ZNF541: variants seen among roughly 807,000 people sequenced by gnomAD.
The protein encoded by ZNF541 is zinc finger protein 541.
ZNF541 carries 23 observed loss-of-function variants against 123.5 expected under a neutral mutation model. The ratio of observed to expected loss-of-function variants is 0.19; its 90% CI spans 0.13 to 0.26. The LOEUF (loss-of-function observed/expected upper bound fraction) is 0.26. Ranked by LOEUF, ZNF541 falls within the 10% of genes least tolerant of loss-of-function variation. The pLI, the probability that ZNF541 is intolerant of heterozygous loss-of-function variation, is 1.00. For missense variants in ZNF541, 1,612 were observed against 1,789.9 expected (o/e 0.90, Z 1.79); for synonymous variants, 751 against 754.5 (o/e 1.00, Z 0.08).
Position 47,544,133 on chromosome 19 carries a change from C to T in ZNF541, c.2396G>A (p.Arg799Lys). The change falls in exon 5 of 17, where the codon AGA (arginine) becomes AAA (lysine). Residue 799 changes from arginine (R) to lysine (K), a missense_variant. Transcript: ENST00000391901. The part of the protein sequence containing the change: ...PSKSKLTIFS[R>K]IQGGNIYRLP... ...GTGAGAGAGAGCTGGTACCTGGATT[C>T]TGCTGAATATTGTCAGCTTGGACTT... The T allele has an allele frequency of 1.3e-6, 2 of 1,546,902 alleles. No homozygotes were observed. The highest frequency in any genetic ancestry group is 1.7e-6 in the Non-Finnish European group (2 of 1,143,624).
At chr19:47,554,417 C>T (rs1478265968) in intron 3 of ZNF541, among the ~76,000 whole-genome samples, 3 of 151,976 alleles carry the variant, frequency 2.0e-5, no homozygotes, top group East Asian at 1.9e-4. Flanking sequence ...GGCGACAGAG[C>T]GAGACTCCGT....
At chr19:47,559,384 G>GA (rs1568518179) in intron 2 of ZNF541, among the ~76,000 whole-genome samples, 1 of 150,398 alleles carries the variant, frequency 6.6e-6, no homozygotes, top group East Asian at 2.0e-4. Flanking sequence ...AAAAAAGAAA[G>GA]AAAGAAAAGA....
At chr19:47,551,814 G>A (rs985082532) in intron 3 of ZNF541, among the ~76,000 whole-genome samples, 9 of 149,882 alleles carry the variant, frequency 6.0e-5, no homozygotes, top group African/African-American at 2.0e-4. Flanking sequence ...GATTACAGGC[G>A]TGAACCATAC....
At chr19:47,552,742 CAAAAA>C (rs573248609) in intron 3 of ZNF541, among the ~76,000 whole-genome samples, 2 of 26,130 alleles carry the variant, frequency 7.7e-5, no homozygotes, top group African/African-American at 1.1e-4. Context: ...GACTCCATCT[CAAAAA>C]AAAAAAAAAA....
At chr19:47,526,355 G>T (rs1259314423) in intron 14 of ZNF541, among the ~76,000 whole-genome samples, 1 of 151,756 alleles carries the variant, frequency 6.6e-6, no homozygotes, top group Non-Finnish European at 1.5e-5. Flanking sequence ...GGTAGCAGGC[G>T]CCTGTAATCC....
intron 2 of ZNF541, among the ~76,000 whole-genome samples, chr19:47,561,716 G>T (rs1971069974): frequency 6.8e-6 from 1 of 147,440 alleles, no homozygotes; most frequent in African/African-American, 2.5e-5. Context: ...TTTCTGTTTT[G>T]TTTTTTTTTT....
intron 2 of ZNF541, among the ~76,000 whole-genome samples, chr19:47,557,941 A>G (rs1026852497): frequency 1.3e-5 from 2 of 152,160 alleles, no homozygotes; most frequent in Admixed American, 1.3e-4. Flanking sequence ...GAAGAAAAAT[A>G]AACCACATAA....
chr19:47,525,146 G>A (rs1969225277), intron 14 of ZNF541, among the ~76,000 whole-genome samples: 1 of 152,078 alleles, frequency 6.6e-6, no homozygotes, highest in Non-Finnish European at 1.5e-5. Flanking sequence ...TTAGCCAGGT[G>A]TGGTTGTGCG....
chr19:47,523,938 C>G (rs2974195), intron 14 of ZNF541, among the ~76,000 whole-genome samples: 18,425 of 152,124 alleles, frequency 0.12, 1,802 homozygotes, highest in African/African-American at 0.28. Context: ...GGGAAGAGAC[C>G]AGCCAAAGCT....
intron 3 of ZNF541, among the ~76,000 whole-genome samples, chr19:47,552,839 G>A (rs772431142): frequency 1.0e-4 from 15 of 150,640 alleles, no homozygotes; most frequent in Admixed American, 2.0e-4. Context: ...GGCCGGGCAC[G>A]GTGGCTTATG....
intron 5 of ZNF541, among the ~76,000 whole-genome samples, chr19:47,542,565 T>C (rs998435962): frequency 1.3e-5 from 2 of 151,816 alleles, no homozygotes; most frequent in African/African-American, 2.4e-5. Flanking sequence ...GGCAGGAGAA[T>C]TGCTTGAACT....
chr19:47,522,744 CTTT>C (rs35868495), intron 14 of ZNF541, among the ~76,000 whole-genome samples: 19 of 112,418 alleles, frequency 1.7e-4, no homozygotes, highest in Admixed American at 3.6e-4. Context: ...TGCAGTGAGC[CTTT>C]TTTTTTTTTT....
At chr19:47,550,010 G>C (rs1970527075) in intron 3 of ZNF541, among the ~76,000 whole-genome samples, 1 of 152,156 alleles carries the variant, frequency 6.6e-6, no homozygotes, top group South Asian at 2.1e-4. Context: ...CCAGCACTTT[G>C]GGAGGCTGAA....
Position 47,545,814 on chromosome 19 carries a change from A to C in ZNF541, c.715T>G (p.Ser239Ala). The change falls in exon 5 of 17, where the codon TCC (serine) becomes GCC (alanine). Residue 239 changes from serine to alanine, a missense_variant. Ser to Ala is a moderately conservative substitution (Grantham distance 99). Transcript: ENST00000391901. This position sits in a 1 kb window ranked among gnomAD's most constrained non-coding sequence, Gnocchi z 7.5. The part of the protein sequence containing the change: ...APPEEEACGD[S>A]PHAHESAGQP... The stretch of plus-strand genomic sequence containing the variant: ...CCGGCCGACTCGTGGGCGTGGGGGG[A>C]GTCCCCGCAGGCCTCTTCCTCCGGG... 6.5e-7 allele frequency: 1 copy of C among 1,544,552 alleles called. No homozygotes were observed. The highest frequency in any genetic ancestry group is 1.2e-5 in the South Asian group (1 of 83,756).
chr19:47,527,000 A>G (rs984133142), intron 14 of ZNF541, among the ~76,000 whole-genome samples: 2 of 152,236 alleles, frequency 1.3e-5, no homozygotes, highest in African/African-American at 4.8e-5. Flanking sequence ...TCAGCAGTGA[A>G]AAGGGGAGAC....
chr19:47,539,877 A>G lies in ZNF541; in HGVS notation c.2624T>C (p.Val875Ala), dbSNP rs759539415. The change falls in exon 8 of 17, where the codon GTG becomes GCG. Residue 875 changes from valine (V) to alanine (A), a missense_variant and splice_region_variant. By Grantham distance (64) the Val-to-Ala change is moderately conservative (BLOSUM62 0). This residue lies in a region of ZNF541 where 1,080 missense variants were observed against 1,013.8 expected (regional missense o/e 1.07). Transcript: ENST00000391901. ...CGGCTTGCAAAACTCTGTGCCAAAC[A>G]CCTAAACACAGAAGAGAAGAGATGG... Reference protein sequence around the residue: ...PSPRGKQEPQVFGTEFCKPLR... With the variant: ...PSPRGKQEPQAFGTEFCKPLR... 17 of 1,523,864 alleles carry G rather than the reference A, an allele frequency of 1.1e-5. 1 individual carries two copies. In the South Asian group the frequency reaches 2.0e-4, roughly 18 times the overall value. 94.4% of individuals were successfully genotyped at this position (1,523,864 alleles called of 1,614,324 possible). A position where few individuals can be genotyped will look rare whatever the true frequency, so the allele number is the denominator to read the frequency against.
chr19:47,563,897 C>T (rs749334239), intron 2 of ZNF541, among the ~76,000 whole-genome samples: 18 of 152,262 alleles, frequency 1.2e-4, no homozygotes, highest in Non-Finnish European at 2.5e-4. Context: ...TAAGCCCCCG[C>T]GCCTGGCCTA....
At position 47,545,884 on chromosome 19, in the gene ZNF541, C is replaced by CCGG; in HGVS notation, c.642_644dup (p.Arg215dup). Reference sequence around the variant, plus strand: ...ACAGGCCGTGATGGACCTCGTAGTGCCGGCGCAGAGAGCGGTAGTCGCAGT... The same window carrying CCGG: ...ACAGGCCGTGATGGACCTCGTAGTGCCGGCGGCGCAGAGAGCGGTAGTCGCAGT... On this transcript the variant is annotated inframe_insertion, in exon 5 of 17. Transcript: ENST00000391901. The surrounding 1 kb of genome is among the most constrained non-coding windows in gnomAD (Gnocchi z 7.5). The CCGG allele has an allele frequency of 6.5e-7, 1 of 1,549,210 alleles. No individual in the cohort carries two copies. Among genetic ancestry groups the CCGG allele is most frequent in the Non-Finnish European group, 8.7e-7 (1 of 1,146,070 alleles).
Position 47,549,160 on chromosome 19 carries a change from T to G in ZNF541, c.548+85A>C, listed in dbSNP as rs1192012642. 10 of 1,522,076 alleles carry G rather than the reference T, an allele frequency of 6.6e-6. 1 individual carries two copies. In the East Asian group the frequency reaches 2.5e-4, roughly 38 times the overall value. The allele number at this position is 1,522,076 out of a possible 1,614,324, so 94.3% of individuals were successfully genotyped here. The stretch of plus-strand genomic sequence containing the variant: ...AACAGAGGACGAGACAGCAGGTTGA[T>G]CTGGGAGAATAGGAAGAAGACCCAG... On this transcript the variant is annotated intron_variant, in intron 4 of 16. Transcript: ENST00000391901.
Sources: allele counts gnomAD v4.1 joint callset (sites outside exome capture counted in the v4.1 genomes callset), GRCh38; gene constraint gnomAD v4.1.1; regional missense constraint gnomAD v4.1.1; non-coding constraint Gnocchi (gnomAD v3.1); transcripts MANE v1.5; gene names NCBI Gene and HGNC (gene_info 2026-07-23, HGNC 2026-07-21).